The following TARS3 variants were observed in gnomAD, a reference collection of about 807,000 sequenced individuals.
The protein encoded by TARS3 is threonyl-tRNA synthetase 3, also known as threonine--tRNA ligase 2, cytoplasmic.
Under a neutral mutation model 103.5 loss-of-function variants are expected in TARS3, and 94 were observed. That is an observed-to-expected ratio of 0.91 (90% CI 0.77 to 1.08). TARS3 has a LOEUF of 1.08. Ranked by LOEUF, TARS3 falls within the 50% of genes least tolerant of loss-of-function variation. TARS3 has a pLI of 0.00. For missense variants in TARS3, 952 were observed against 995.2 expected (o/e 0.96, Z 0.58); for synonymous variants, 416 against 355.4 (o/e 1.17, Z -1.92).
chr15:101,711,751 G>C, intron 5 of TARS3, 129 bp downstream of exon 5: 1 of 1,071,262 alleles, frequency 9.3e-7, no homozygotes, highest in African/African-American at 1.6e-5. Context: ...TCAACTGCAT[G>C]GGCGTCGGTG....
chr15:101,714,818 T>C, intron 4 of TARS3, 22 bp downstream of exon 4: 2 of 1,596,444 alleles, frequency 1.3e-6, no homozygotes, highest in Admixed American at 3.4e-5. Flanking sequence ...AAAGTTTGGC[T>C]GTCTGGTTTT....
intron 4 of TARS3, among the ~76,000 whole-genome samples, chr15:101,713,030 A>C (rs1899941833): frequency 6.6e-6 from 1 of 152,234 alleles, no homozygotes. Context: ...TGCACTGTCC[A>C]CACCTACACA....
At chr15:101,723,199 G>A in intron 1 of TARS3, 35 bp from the exon 2 acceptor site, 16 of 1,563,328 alleles carry the variant, frequency 1.0e-5, no homozygotes, top group African/African-American at 1.4e-5. Flanking sequence ...CACATCAATG[G>A]CAAGAAAAAG....
chr15:101,714,782 T>C, intron 4 of TARS3, 58 bp downstream of exon 4: 2 of 1,550,916 alleles, frequency 1.3e-6, no homozygotes, highest in African/African-American at 1.4e-5. Context: ...GCCTCTTATA[T>C]AATGTAGTTT....
At chr15:101,656,530 TTTTC>T (rs1230851528) in intron 18 of TARS3, among the ~76,000 whole-genome samples, 3 of 152,370 alleles carry the variant, frequency 2.0e-5, no homozygotes, top group African/African-American at 7.2e-5. Flanking sequence ...ATTTGGGATC[TTTTC>T]TTTCTGTTAG....
At chr15:101,696,527 A>G (rs1898991387) in intron 10 of TARS3, among the ~76,000 whole-genome samples, 1 of 152,222 alleles carries the variant, frequency 6.6e-6, no homozygotes, top group African/African-American at 2.4e-5. Flanking sequence ...GTTTTAAACT[A>G]TTAAGTTCTG....
At chr15:101,698,120 A>C (rs1437064108) in intron 10 of TARS3, among the ~76,000 whole-genome samples, 1 of 152,048 alleles carries the variant, frequency 6.6e-6, no homozygotes, top group African/African-American at 2.4e-5. Flanking sequence ...GCGGATCACG[A>C]AGTCAGGAGA....
intron 12 of TARS3, 123 bp downstream of exon 12, chr15:101,683,952 T>G: frequency 2.3e-6 from 2 of 881,986 alleles, no homozygotes; most frequent in Non-Finnish European, 3.2e-6. Context: ...AGGTTAGAGC[T>G]GAATGAATCT....
At chr15:101,718,125 T>G (rs962081740) in intron 3 of TARS3, among the ~76,000 whole-genome samples, 5 of 151,978 alleles carry the variant, frequency 3.3e-5, no homozygotes, top group African/African-American at 1.2e-4. Context: ...TCCCAACATT[T>G]TGGGAGGCTG....
chr15:101,689,688 C>T (rs977410713), intron 10 of TARS3, among the ~76,000 whole-genome samples: 4 of 152,160 alleles, frequency 2.6e-5, no homozygotes, highest in Non-Finnish European at 5.9e-5. Flanking sequence ...GGAAGGATTC[C>T]CCCATGGGTT....
At chr15:101,675,430 C>T (rs1025315432) in intron 13 of TARS3, among the ~76,000 whole-genome samples, 170 bp downstream of exon 13, 6 of 152,140 alleles carry the variant, frequency 3.9e-5, no homozygotes, top group Non-Finnish European at 8.8e-5. Flanking sequence ...TTATTATCAC[C>T]GTCACAAAGA....
intron 10 of TARS3, among the ~76,000 whole-genome samples, chr15:101,689,161 C>T (rs555525040): frequency 1.3e-5 from 2 of 152,108 alleles, no homozygotes; most frequent in African/African-American, 2.4e-5. Flanking sequence ...TGGGGAAAGA[C>T]TTACTACCCT....
At chr15:101,702,908 T>G (rs927103261) in intron 8 of TARS3, among the ~76,000 whole-genome samples, 2 of 152,208 alleles carry the variant, frequency 1.3e-5, no homozygotes, top group African/African-American at 4.8e-5. Flanking sequence ...ATGTAGAGTC[T>G]GCTATGGATT....
At chr15:101,688,865 C>T (rs142216895) in intron 10 of TARS3, among the ~76,000 whole-genome samples, 52 of 152,282 alleles carry the variant, frequency 3.4e-4, no homozygotes, top group Non-Finnish European at 6.9e-4. Flanking sequence ...ATTACTAAGG[C>T]ATTGTTCCTG....
chr15:101,660,621 C>T (rs921035176), intron 16 of TARS3, among the ~76,000 whole-genome samples: 6 of 152,190 alleles, frequency 3.9e-5, no homozygotes, highest in Admixed American at 6.5e-5. Flanking sequence ...AGGGATCCAA[C>T]GTAATCAACC....
At chr15:101,664,982 T>C (rs771515403) in intron 15 of TARS3, among the ~76,000 whole-genome samples, 7 of 152,202 alleles carry the variant, frequency 4.6e-5, no homozygotes, top group Non-Finnish European at 8.8e-5. Flanking sequence ...AGTCATTCGA[T>C]GGATTCAGTA....
At position 101,653,935 on chromosome 15, in the gene TARS3, C is replaced by T. The variant is rs533725411; in HGVS notation, c.*647G>A. ...GCCCACAGCTGAAACGCTGGAAACA[C>T]TGATGCAATTCATTTGGGAATTTAT... On this transcript the variant is annotated 3_prime_UTR_variant, in exon 19 of 19. Transcript: ENST00000335968. 6.6e-6 allele frequency: 1 copy of T among 152,408 alleles called. No homozygotes were observed. Among genetic ancestry groups the T allele is most frequent in the South Asian group, 2.1e-4 (1 of 4,828 alleles). The allele number at this position is 152,408 out of a possible 1,614,324, so 9.4% of individuals were successfully genotyped here.
At chr15:101,698,871 C>T (rs1417070673) in intron 10 of TARS3, among the ~76,000 whole-genome samples, 2 of 152,340 alleles carry the variant, frequency 1.3e-5, no homozygotes, top group Non-Finnish European at 2.9e-5. Flanking sequence ...GTAGAATGGA[C>T]TTCCCTACAG....
At chr15:101,713,723 C>T (rs749226095) in intron 4 of TARS3, among the ~76,000 whole-genome samples, 1 of 152,056 alleles carries the variant, frequency 6.6e-6, no homozygotes, top group African/African-American at 2.4e-5. Context: ...GGGTTAAAAT[C>T]GAAAATTTCA....
Sources: gnomAD v4.1 joint callset for allele counts (sites outside exome capture counted in the v4.1 genomes callset) on GRCh38, gnomAD v4.1.1 for gene constraint, MANE v1.5 for transcripts, NCBI Gene and HGNC (gene_info 2026-07-23, HGNC 2026-07-21) for gene names.